Variants in SMAP1 observed in about 807,000 individuals in gnomAD.
SMAP1 encodes stromal membrane-associated protein 1.
Under a neutral mutation model 58.5 loss-of-function variants are expected in SMAP1, and 24 were observed. The ratio of observed to expected loss-of-function variants is 0.41; its 90% CI spans 0.30 to 0.58. SMAP1 has a LOEUF of 0.58. Ranked by LOEUF, SMAP1 falls within the 20% of genes least tolerant of loss-of-function variation. The probability of loss-of-function intolerance (pLI) is 0.29; values close to 1 mark genes in which losing one functional copy is unlikely to be tolerated. For synonymous variants in SMAP1, 216 were observed against 196.6 expected, an observed-to-expected ratio of 1.10 and a Z score of -0.82; for missense variants, 563 against 566.3, an observed-to-expected ratio of 0.99 and a Z score of 0.06.
intron 7 of SMAP1, among the ~76,000 whole-genome samples, chr6:70,846,568 G>A (rs1332756886): frequency 6.6e-6 from 1 of 152,164 alleles, no homozygotes; most frequent in Non-Finnish European, 1.5e-5. Flanking sequence ...GGAACATTTG[G>A]AGGTGGAGTT....
intron 1 of SMAP1, among the ~76,000 whole-genome samples, chr6:70,683,030 C>T (rs1272849063): frequency 6.6e-6 from 1 of 151,818 alleles, no homozygotes; most frequent in South Asian, 2.1e-4. Context: ...GAGTGAGACT[C>T]CATGTCAAAA....
intron 2 of SMAP1, 54 bp downstream of exon 2, chr6:70,732,565 T>C (rs1341658077): frequency 4.3e-6 from 6 of 1,387,244 alleles, no homozygotes; most frequent in Non-Finnish European, 5.7e-6. Context: ...GATTTAAAAA[T>C]ATTTAACCCT....
chr6:70,699,985 A>T (rs940864735), intron 1 of SMAP1, among the ~76,000 whole-genome samples: 2 of 151,728 alleles, frequency 1.3e-5, no homozygotes, highest in African/African-American at 4.8e-5. Flanking sequence ...TGGTTTGGGT[A>T]TTTGTCACAC....
chr6:70,695,376 G>C (rs1021277638), intron 1 of SMAP1, among the ~76,000 whole-genome samples: 1 of 152,152 alleles, frequency 6.6e-6, no homozygotes, highest in African/African-American at 2.4e-5. Context: ...TTGAGGAAAG[G>C]CTTTCAGTTT....
chr6:70,860,023 AAAG>A (rs1288610930), intron 10 of SMAP1, 174 bp from the exon 11 acceptor site: 14 of 585,890 alleles, frequency 2.4e-5, no homozygotes, highest in Non-Finnish European at 3.8e-5. Context: ...GAAAGTAGAT[AAAG>A]AAGGGAACAA....
At chr6:70,757,351 C>T (rs1227510941) in intron 3 of SMAP1, among the ~76,000 whole-genome samples, 1 of 150,904 alleles carries the variant, frequency 6.6e-6, no homozygotes, top group African/African-American at 2.5e-5. Flanking sequence ...TTCCTTACAC[C>T]TTATACAAAA....
intron 5 of SMAP1, among the ~76,000 whole-genome samples, chr6:70,796,728 A>G (rs1768624135): frequency 6.6e-6 from 1 of 152,212 alleles, no homozygotes; most frequent in Non-Finnish European, 1.5e-5. Flanking sequence ...CTATGTTAAT[A>G]TCCTTAATGT....
intron 1 of SMAP1, among the ~76,000 whole-genome samples, chr6:70,689,513 TC>T (rs1767069689): frequency 6.6e-6 from 1 of 152,216 alleles, no homozygotes. Flanking sequence ...GTGTAAGTCT[TC>T]CAACTTTGTT....
At chr6:70,668,701 A>ATGG in intron 1 of SMAP1, 1 of 1,536,008 alleles carries the variant, frequency 6.5e-7, no homozygotes, top group Non-Finnish European at 8.7e-7. Context: ...GAAAAAGAGT[A>ATGG]TGGTGGTCTT....
At position 70,794,343 on chromosome 6, in the gene SMAP1, G is replaced by A. The variant is rs1281807745; in HGVS notation, c.495+2574G>A. 1.1e-4 allele frequency among the ~76,000 whole-genome samples: 16 copies of A among 152,292 alleles called. No individual in the cohort carries two copies. The South Asian group carries it at 2.9e-3, about 28-fold the overall frequency. On this transcript the variant is annotated intron_variant, in intron 5 of 10. Transcript: ENST00000370455. Reference sequence around the variant, plus strand: ...ATCTGTGGGTCAAACTGCATGATGAGTTTAGAACCCATGCTGTTAATATTA... The same window carrying A: ...ATCTGTGGGTCAAACTGCATGATGAATTTAGAACCCATGCTGTTAATATTA...
chr6:70,856,571 G>A, intron 8 of SMAP1: 1 of 227,824 alleles, frequency 4.4e-6, no homozygotes, highest in Non-Finnish European at 8.5e-6. Flanking sequence ...TTGAGCCCCA[G>A]GATTTGATGA....
chr6:70,773,264 G>T, intron 3 of SMAP1, 86 bp from the exon 4 acceptor site: 1 of 743,954 alleles, frequency 1.3e-6, no homozygotes, highest in East Asian at 3.0e-5. Flanking sequence ...ATTAAATTTA[G>T]AGTCCCAGCT....
Position 70,773,101 on chromosome 6 carries a change from A to T in SMAP1, c.339-249A>T, listed in dbSNP as rs779788513. The T allele has an allele frequency of 1.1e-5, 4 of 353,940 alleles. No homozygotes were observed. In the Admixed American group the frequency reaches 1.5e-4, roughly 14 times the overall value. The allele number at this position is 353,940 out of a possible 1,614,324, so 21.9% of individuals were successfully genotyped here. ...GGTGATGTAGGAATTAAGAATTGTCATTTACTTTTCTTTCTAGAATTAGTT... is the reference window on the plus strand; with the variant it reads ...GGTGATGTAGGAATTAAGAATTGTCTTTTACTTTTCTTTCTAGAATTAGTT... On this transcript the variant is annotated intron_variant, in intron 3 of 10. Coordinates refer to ENST00000370455, the MANE Select transcript of SMAP1 (RefSeq NM_001044305.3).
intron 3 of SMAP1, among the ~76,000 whole-genome samples, chr6:70,757,471 T>A (rs1766544196): frequency 6.6e-6 from 1 of 152,102 alleles, no homozygotes; most frequent in South Asian, 2.1e-4. Flanking sequence ...AAGGACTTCA[T>A]GTCCAAAACA....
chr6:70,780,840 T>C (rs543858145), intron 4 of SMAP1, among the ~76,000 whole-genome samples: 1 of 152,310 alleles, frequency 6.6e-6, no homozygotes, highest in South Asian at 2.1e-4. Flanking sequence ...TACTTGGTTT[T>C]CTTTGTTACT....
At chr6:70,759,394 G>C (rs1479922646) in intron 3 of SMAP1, among the ~76,000 whole-genome samples, 1 of 151,970 alleles carries the variant, frequency 6.6e-6, no homozygotes, top group Non-Finnish European at 1.5e-5. Context: ...GGATTTTTTA[G>C]GTGTCCCTTG....
chr6:70,767,185 C>A (rs1292882422), intron 3 of SMAP1, among the ~76,000 whole-genome samples: 1 of 151,940 alleles, frequency 6.6e-6, no homozygotes, highest in South Asian at 2.1e-4. Flanking sequence ...TAGCGTGATG[C>A]CTCCAGCTTT....
intron 2 of SMAP1, among the ~76,000 whole-genome samples, chr6:70,733,279 G>A (rs1374200359): frequency 3.3e-5 from 5 of 152,102 alleles, no homozygotes; most frequent in African/African-American, 1.2e-4. Context: ...ACATGAATGG[G>A]GTGAAGTAAA....
intron 10 of SMAP1, chr6:70,859,107 C>T (rs538010202): frequency 1.2e-5 from 5 of 416,776 alleles, no homozygotes; most frequent in African/African-American, 1.0e-4. Context: ...AGGGAATAGT[C>T]TAGAGTGATT....
Sources: allele counts gnomAD v4.1 joint callset (sites outside exome capture counted in the v4.1 genomes callset), GRCh38; gene constraint gnomAD v4.1.1; transcripts MANE v1.5; gene names NCBI Gene and HGNC (gene_info 2026-07-23, HGNC 2026-07-21).